DLC1: variants seen among roughly 807,000 people sequenced by gnomAD.
The protein encoded by DLC1 is DLC1 Rho GTPase activating protein.
A neutral mutation model predicts 140.3 loss-of-function variants in DLC1; 54 were observed. The ratio of observed to expected loss-of-function variants is 0.38; its 90% CI spans 0.31 to 0.48. The LOEUF (loss-of-function observed/expected upper bound fraction) is 0.48, where lower values mean the gene tolerates loss of function less well. Ranked by LOEUF, DLC1 falls within the 20% of genes least tolerant of loss-of-function variation. DLC1 has a pLI of 0.96. For synonymous variants in DLC1, 986 were observed against 728.1 expected (o/e 1.35, Z -5.70); for missense variants, 2,536 against 1,907.0 (o/e 1.33, Z -6.14).
intron 2 of DLC1, among the ~76,000 whole-genome samples, chr8:13,490,058 A>G (rs34006500): frequency 0.047 from 7,140 of 151,858 alleles, 237 homozygotes; most frequent in Middle Eastern, 0.095. Context: ...TACACCCCCC[A>G]CTTTAGGTTG....
intron 2 of DLC1, among the ~76,000 whole-genome samples, chr8:13,463,803 A>C (rs1799794935): frequency 6.6e-6 from 1 of 152,126 alleles, no homozygotes; most frequent in Non-Finnish European, 1.5e-5. Flanking sequence ...CCTTCCCTAG[A>C]GAGTTTCTGT....
rs145154616 is a variant in DLC1, at chr8:13,320,442, C to T, written c.1315-15140G>A. Among the ~76,000 whole-genome samples the T allele has an allele frequency of 2.9e-3, 447 of 152,292 alleles. 1 individual carries two copies. Among genetic ancestry groups the T allele is most frequent in the African/African-American group, 0.01 (426 of 41,554 alleles). ...AATTAACAAAAGAAAGCGTTTGTAG[C>T]ATATTTAAAAATAAAAACATGAAAA... On this transcript the variant is annotated intron_variant, in intron 4 of 17. Transcript: ENST00000276297.
At position 13,393,401 on chromosome 8, in the gene DLC1, A is replaced by G. The variant is rs1586265123; in HGVS notation, c.1314+152T>C. ...TTTATAAAACAAAAAACATTTTTCT[A>G]GGGTTGTACTTAATTAAATAAATTA... On this transcript the variant is annotated intron_variant, in intron 4 of 17. Transcript: ENST00000276297. 1.4e-5 allele frequency: 11 copies of G among 814,464 alleles called. No individual in the cohort carries two copies. In the East Asian group the frequency reaches 1.8e-4, roughly 13 times the overall value. The allele number at this position is 814,464 out of a possible 1,614,324, so 50.5% of individuals were successfully genotyped here.
chr8:13,468,418 G>T (rs1311036400), intron 2 of DLC1, among the ~76,000 whole-genome samples: 3 of 125,372 alleles, frequency 2.4e-5, no homozygotes, highest in African/African-American at 9.4e-5. Flanking sequence ...CTGGTATTAT[G>T]ATCCCAGGCC....
At chr8:13,313,778 G>C in intron 4 of DLC1, among the ~76,000 whole-genome samples, 1 of 152,036 alleles carries the variant, frequency 6.6e-6, no homozygotes, top group East Asian at 1.9e-4. Flanking sequence ...GTGAGATTTT[G>C]AAAAACATTT....
intron 2 of DLC1, among the ~76,000 whole-genome samples, chr8:13,441,600 C>G (rs1325477092): frequency 6.6e-6 from 1 of 152,086 alleles, no homozygotes; most frequent in East Asian, 1.9e-4. Flanking sequence ...GAGTGAACTC[C>G]CATTCACAAT....
chr8:13,601,342 G>A (rs966116560), intron 1 of DLC1, among the ~76,000 whole-genome samples: 1 of 151,760 alleles, frequency 6.6e-6, no homozygotes, highest in Non-Finnish European at 1.5e-5. Context: ...ATAGGGCCCT[G>A]TCTGAGAAAA....
intron 5 of DLC1, among the ~76,000 whole-genome samples, chr8:13,213,386 T>C (rs922396690): frequency 1.3e-5 from 2 of 152,230 alleles, no homozygotes; most frequent in African/African-American, 4.8e-5. Flanking sequence ...TATTTCTACA[T>C]ACAGATTAAA....
chr8:13,092,529 T>A, intron 13 of DLC1, 83 bp downstream of exon 13: 1 of 1,459,344 alleles, frequency 6.9e-7, no homozygotes, highest in Non-Finnish European at 9.4e-7. Context: ...CAGGAAAGAG[T>A]CCCACAAAAC....
At chr8:13,230,597 C>CTTTTTTTTTTTTTT (rs548424340) in intron 5 of DLC1, among the ~76,000 whole-genome samples, 9 of 133,690 alleles carry the variant, frequency 6.7e-5, no homozygotes, top group African/African-American at 8.3e-5. Flanking sequence ...TTTCTTTTTT[C>CTTTTTTTTTTTTTT]TTTTTTTTTT....
rs148087418 is a variant in DLC1, at chr8:13,588,095, G to C, written c.-126+16442C>G. Among the ~76,000 whole-genome samples, 110 of 152,128 alleles carry C rather than the reference G, an allele frequency of 7.2e-4. No homozygotes were observed. The East Asian group carries it at 0.02, about 28-fold the overall frequency. On this transcript the variant is annotated intron_variant, in intron 1 of 1. Transcript: ENST00000631382. ...CAGACAGTCTTCAGTTCCAATCCCAGTTCTTCCAAATGGAAGCACAGTCTG... is the reference window on the plus strand; with the variant it reads ...CAGACAGTCTTCAGTTCCAATCCCACTTCTTCCAAATGGAAGCACAGTCTG...
At chr8:13,440,528 T>C (rs940324178) in intron 2 of DLC1, among the ~76,000 whole-genome samples, 20 of 152,228 alleles carry the variant, frequency 1.3e-4, no homozygotes, top group African/African-American at 4.8e-4. Flanking sequence ...TATGAAGATA[T>C]TTTGCTCTTT....
intron 5 of DLC1, among the ~76,000 whole-genome samples, chr8:13,143,813 T>TGGGAGAGAGAGAGAGAGAGAGAGAGA: frequency 7.8e-6 from 1 of 128,642 alleles, no homozygotes; most frequent in Non-Finnish European, 1.6e-5. Flanking sequence ...AATGAAAAGC[T>TGGGAGAGAGAGAGAGAGAGAGAGAGA]GAGAGAGAGA....
rs190334487 is a variant in DLC1, at chr8:13,291,787, G to A, written c.1348+13482C>T. Among the ~76,000 whole-genome samples, 7 of 152,220 alleles carry A rather than the reference G, an allele frequency of 4.6e-5. No individual in the cohort carries two copies. In the East Asian group the frequency reaches 1.3e-3, roughly 29 times the overall value. On this transcript the variant is annotated intron_variant, in intron 5 of 17. Transcript: ENST00000276297. ...CAGACCAAGCCTGAAACCCCTAAGG[G>A]TTAAATAATTTCACTAAAGAAAACA...
chr8:13,218,815 T>C (rs1478199023), intron 5 of DLC1, among the ~76,000 whole-genome samples: 2 of 139,728 alleles, frequency 1.4e-5, no homozygotes, highest in East Asian at 4.0e-4. Context: ...ATTATATTCA[T>C]AATTATATGA....
intron 1 of DLC1, among the ~76,000 whole-genome samples, chr8:13,538,456 C>T (rs1803369969): frequency 6.6e-6 from 1 of 151,912 alleles, no homozygotes; most frequent in African/African-American, 2.4e-5. Flanking sequence ...TGCGCTCCTC[C>T]TAGGGACTTC....
At chr8:13,411,387 C>G (rs1837774219) in intron 2 of DLC1, among the ~76,000 whole-genome samples, 1 of 152,014 alleles carries the variant, frequency 6.6e-6, no homozygotes, top group Non-Finnish European at 1.5e-5. Context: ...AGAAGGCTAC[C>G]AAGAAGGAAG....
At chr8:13,513,957 G>A (rs949591405) in intron 1 of DLC1, among the ~76,000 whole-genome samples, 3 of 151,908 alleles carry the variant, frequency 2.0e-5, no homozygotes, top group African/African-American at 7.3e-5. Context: ...AACTAAATTC[G>A]ATTCCGACAT....
rs1013980978 is a variant in DLC1, at chr8:13,487,629, A to C, written c.1023+11420T>G. 6.0e-5 allele frequency among the ~76,000 whole-genome samples: 9 copies of C among 151,048 alleles called. 1 individual carries two copies. The highest frequency in any genetic ancestry group is 2.2e-4 in the African/African-American group (9 of 40,982). The stretch of plus-strand genomic sequence containing the variant: ...CACTCTGTTGCCCAGGCTGGAGTGC[A>C]ATGGCGTGAGTTCGGCTCACTGCAA... On this transcript the variant is annotated intron_variant, in intron 2 of 17. Transcript: ENST00000276297.
Sources: allele counts gnomAD v4.1 joint callset (sites outside exome capture counted in the v4.1 genomes callset), GRCh38; gene constraint gnomAD v4.1.1; transcripts MANE v1.5; gene names NCBI Gene and HGNC (gene_info 2026-07-23, HGNC 2026-07-21).